DGKH: variants seen among roughly 807,000 people sequenced by gnomAD.
The protein encoded by DGKH is DAG kinase eta.
A neutral mutation model predicts 159.3 loss-of-function variants in DGKH; 90 were observed. The ratio of observed to expected loss-of-function variants is 0.57; its 90% confidence interval spans 0.48 to 0.67. The LOEUF (loss-of-function observed/expected upper bound fraction) is 0.67. Ranked by LOEUF, DGKH falls within the 30% of genes least tolerant of loss-of-function variation. DGKH has a pLI of 0.00. For missense variants in DGKH, 1,181 were observed against 1,506.1 expected, an observed-to-expected ratio of 0.78 and a Z score of 3.57; for synonymous variants, 536 against 553.8, an observed-to-expected ratio of 0.97 and a Z score of 0.45.
intron 3 of DGKH, among the ~76,000 whole-genome samples, chr13:42,150,831 A>G (rs1437641753): frequency 6.6e-6 from 1 of 152,168 alleles, no homozygotes; most frequent in Non-Finnish European, 1.5e-5. Flanking sequence ...AACTTACAGA[A>G]TGAGTGGCAC....
rs67272022 is a variant in DGKH, at chr13:42,207,026, T to TC, written c.2601+880_2601+881insC. On this transcript the variant is annotated intron_variant, in intron 21 of 29. Transcript: ENST00000337343. ...TTCTTTCTTTCTTTCTTTCTTTCTT[T>TC]TTCTTTCTTTCTTTCCTTCTTTCCT... Among the ~76,000 whole-genome samples the TC allele has an allele frequency of 1.4e-3, 32 of 23,424 alleles. 1 individual carries two copies. The highest frequency in any genetic ancestry group is 3.9e-3 in the African/African-American group (26 of 6,644). The allele number at this position is 23,424 out of a possible 152,430, so 15.4% of individuals were successfully genotyped here.
At chr13:42,190,959 A>G (rs1347529884) in intron 16 of DGKH, among the ~76,000 whole-genome samples, 1 of 152,240 alleles carries the variant, frequency 6.6e-6, no homozygotes. Flanking sequence ...CTTAAGTTCC[A>G]TCGATCAACC....
At position 42,233,777 on chromosome 13, in the gene DGKH, A is replaced by G. The variant is rs1958355496; in HGVS notation, c.*4589A>G. 1 of 152,232 alleles carries G rather than the reference A, an allele frequency of 6.6e-6. No individual in the cohort carries two copies. Among genetic ancestry groups the G allele is most frequent in the African/African-American group, 2.4e-5 (1 of 41,456 alleles). 9.4% of individuals were successfully genotyped at this position (152,232 alleles called of 1,614,324 possible). On this transcript the variant is annotated 3_prime_UTR_variant, in exon 30 of 30. Transcript: ENST00000337343. The stretch of plus-strand genomic sequence containing the variant: ...TGGCATGTTCATTTGTTCACAACTT[A>G]ATCACGGGGGACATTTCAGAAAAAT...
chr13:42,237,635 G>A lies in DGKH; in HGVS notation c.*8447G>A, dbSNP rs987280290. The A allele has an allele frequency of 6.6e-6, 1 of 152,232 alleles. No individual in the cohort carries two copies. Among genetic ancestry groups the A allele is most frequent in the Non-Finnish European group, 1.5e-5 (1 of 68,048 alleles). 9.4% of individuals were successfully genotyped at this position (152,232 alleles called of 1,614,324 possible). Reference sequence around the variant, plus strand: ...GTATCTAGATCTTAGCATAACTAGTGAATTCAGGGAGCACATCCTGCTGCT... The same window carrying A: ...GTATCTAGATCTTAGCATAACTAGTAAATTCAGGGAGCACATCCTGCTGCT... On this transcript the variant is annotated 3_prime_UTR_variant, in exon 30 of 30. Coordinates refer to ENST00000337343, the MANE Select transcript of DGKH (RefSeq NM_178009.5).
rs1958398889 is a variant in DGKH, at chr13:42,235,669, A to G, written c.*6481A>G. 1 of 152,160 alleles carries G rather than the reference A, an allele frequency of 6.6e-6. No individual in the cohort carries two copies. The highest frequency in any genetic ancestry group is 2.1e-4 in the South Asian group (1 of 4,828). 9.4% of individuals were successfully genotyped at this position (152,160 alleles called of 1,614,324 possible). ...GCTAAATATTTCTTACAGTTCTGGT[A>G]ACTGGTAACTAGTGCTGTGAAAGGT... is the stretch of plus-strand genomic sequence containing the variant. On this transcript the variant is annotated 3_prime_UTR_variant, in exon 30 of 30. Coordinates refer to ENST00000337343, the MANE Select transcript of DGKH (RefSeq NM_178009.5).
intron 17 of DGKH, among the ~76,000 whole-genome samples, chr13:42,195,406 G>C (rs1248608175): frequency 1.3e-5 from 2 of 152,134 alleles, no homozygotes; most frequent in Non-Finnish European, 2.9e-5. Flanking sequence ...GGAGGCTGAG[G>C]CCCGAGAATT....
chr13:42,254,860 C>A (rs375292478), intron 30 of DGKH, among the ~76,000 whole-genome samples: 231 of 152,050 alleles, frequency 1.5e-3, no homozygotes, highest in African/African-American at 5.3e-3. Context: ...AGATCATTTT[C>A]AAATGATTTT....
Position 42,198,197 on chromosome 13 carries a change from T to C in DGKH, c.2168-281T>C, listed in dbSNP as rs546960670. On this transcript the variant is annotated intron_variant, in intron 17 of 29. Transcript: ENST00000337343. ...GTAAAATGTATTTGTTATAGAATTA[T>C]TGGGATGGTAAATGAGAAAGTGTCA... Among the ~76,000 whole-genome samples the C allele has an allele frequency of 2.0e-5, 3 of 152,328 alleles. No homozygotes were observed. In the South Asian group the frequency reaches 6.2e-4, roughly 32 times the overall value.
At chr13:42,168,318 T>C (rs973560652) in intron 9 of DGKH, 122 bp from the exon 10 acceptor site, 1 of 773,126 alleles carries the variant, frequency 1.3e-6, no homozygotes, top group African/African-American at 1.8e-5. Context: ...TATGGTATAA[T>C]TAACATGTAA....
intron 1 of DGKH, among the ~76,000 whole-genome samples, chr13:42,062,109 T>A (rs1280820593): frequency 6.6e-6 from 1 of 152,116 alleles, no homozygotes; most frequent in African/African-American, 2.4e-5. Context: ...TATGCAGATA[T>A]CTGGGCTCCA....
At chr13:42,221,457 T>C in intron 29 of DGKH, 63 bp downstream of exon 29, 1 of 1,589,102 alleles carries the variant, frequency 6.3e-7, no homozygotes, top group Non-Finnish European at 8.6e-7. Context: ...CTTTCTCCTG[T>C]GCCTCTTCTG....
At position 42,229,945 on chromosome 13, in the gene DGKH, CTT is replaced by C. The variant is rs1958244832; in HGVS notation, c.*759_*760del. 6.6e-6 allele frequency: 1 copy of C among 152,102 alleles called. No homozygotes were observed. Among genetic ancestry groups the C allele is most frequent in the Non-Finnish European group, 1.5e-5 (1 of 68,026 alleles). The allele number at this position is 152,102 out of a possible 1,614,324, so 9.4% of individuals were successfully genotyped here. On this transcript the variant is annotated 3_prime_UTR_variant, in exon 30 of 30. Transcript: ENST00000337343. ...TTGCGTAAATATTCTGTACCTAAGA[CTT>C]TGTGAAAGTGTGTCTGTGCCATAAT...
rs545938199 is a variant in DGKH at position 42,209,224 on chromosome 13, G to A, written c.2716-107G>A. On this transcript the variant is annotated intron_variant, in intron 22 of 29. Coordinates refer to ENST00000337343, the MANE Select transcript of DGKH (RefSeq NM_178009.5). ...TACCATGTCATTTATAAGTGATAAAGCATAATAGTCTATTCTGTAGAATAG... is the reference window on the plus strand; with the variant it reads ...TACCATGTCATTTATAAGTGATAAAACATAATAGTCTATTCTGTAGAATAG... The A allele has an allele frequency of 2.7e-4, 391 of 1,446,528 alleles. 2 individuals are homozygous for A. The South Asian group carries it at 5.1e-3, about 19-fold the overall frequency. 89.6% of individuals were successfully genotyped at this position (1,446,528 alleles called of 1,614,324 possible).
rs1221357880 is a variant in DGKH at position 42,067,567 on chromosome 13, A to C, written c.192+18602A>C. On this transcript the variant is annotated intron_variant, in intron 1 of 29. Transcript: ENST00000337343. ...AAGATCATAAAGGCTTGAAATGACA[A>C]ATAGATACCATTGTGTGTGCTAACG... is the stretch of plus-strand genomic sequence containing the variant. 2.0e-5 allele frequency among the ~76,000 whole-genome samples: 3 copies of C among 152,166 alleles called. No homozygotes were observed. The East Asian group carries it at 5.8e-4, about 29-fold the overall frequency.
chr13:42,048,711 A>G lies in DGKH; in HGVS notation c.-63A>G. The stretch of plus-strand genomic sequence containing the variant: ...TCCGGGCTCCGCTCGGGCAGAGCCC[A>G]CCCGCTGACCAACGCCGCCGCCCCC... On this transcript the variant is annotated 5_prime_UTR_variant, in exon 1 of 30. Transcript: ENST00000337343. This position sits in a 1 kb window ranked among gnomAD's most constrained non-coding sequence, Gnocchi z 6.7. 3.3e-6 allele frequency: 4 copies of G among 1,216,808 alleles called. No individual in the cohort carries two copies. Among genetic ancestry groups the G allele is most frequent in the Non-Finnish European group, 3.1e-6 (3 of 972,614 alleles). The allele number at this position is 1,216,808 out of a possible 1,614,324, so 75.4% of individuals were successfully genotyped here. A position where few individuals can be genotyped will look rare whatever the true frequency, so the allele number is the denominator to read the frequency against.
intron 29 of DGKH, among the ~76,000 whole-genome samples, chr13:42,224,925 T>TTTG (rs563291146): frequency 6.6e-6 from 1 of 151,770 alleles, no homozygotes; most frequent in East Asian, 1.9e-4. Flanking sequence ...TATACATATA[T>TTTG]TTGTTGTTGT....
rs1406732924 is a variant in DGKH, at chr13:42,199,825, A to G, written c.2409A>G (p.Lys803=). ...EHPEKCRSRT[K]NLMWYGVLGT... ...TATTTATTTTCAGGAGCCGAACTAA[A>G]AACTTGATGTGGTATGGAGTCCTTG... The change falls in exon 20 of 30, where the codon AAA becomes AAG. Residue 803 remains lysine, a synonymous_variant. Coordinates refer to ENST00000337343, the MANE Select transcript of DGKH (RefSeq NM_178009.5). 1.9e-6 allele frequency: 3 copies of G among 1,601,346 alleles called. No individual in the cohort carries two copies. The highest frequency in any genetic ancestry group is 1.7e-4 in the Middle Eastern group (1 of 5,992).
chr13:42,072,845 T>C (rs2137697427), intron 1 of DGKH, among the ~76,000 whole-genome samples: 1 of 152,306 alleles, frequency 6.6e-6, no homozygotes, highest in African/African-American at 2.4e-5. Context: ...TATCCAGCAT[T>C]GCAGTCCCCA....
At chr13:42,169,012 A>G (rs1164299967) in intron 11 of DGKH, among the ~76,000 whole-genome samples, 194 bp downstream of exon 11, 2 of 152,214 alleles carry the variant, frequency 1.3e-5, no homozygotes. Flanking sequence ...GACACTCAAT[A>G]AAGATGTTTT....
Sources: gnomAD v4.1 joint callset for allele counts (sites outside exome capture counted in the v4.1 genomes callset) on GRCh38, gnomAD v4.1.1 for gene constraint, Gnocchi (gnomAD v3.1) non-coding constraint, MANE v1.5 for transcripts, NCBI Gene and HGNC (gene_info 2026-07-23, HGNC 2026-07-21) for gene names.